The following ARB2A variants were observed in gnomAD, a reference collection of about 807,000 sequenced individuals.
ARB2A encodes ARB2 cotranscriptional regulator A.
the ARB2A span, among the ~76,000 whole-genome samples, chr5:93,621,699 C>G: frequency 6.6e-6 from 1 of 152,196 alleles, no homozygotes; most frequent in African/African-American, 2.4e-5. Context: ...TCTTGCGTCT[C>G]CCGGAAGCTG....
chr5:93,767,608 C>T, the ARB2A span, among the ~76,000 whole-genome samples: 112 of 152,164 alleles, frequency 7.4e-4, no homozygotes, highest in Non-Finnish European at 1.2e-3. Context: ...ATTGCAAAAT[C>T]GTGGAACCAA....
chr5:93,749,254 C>G, the ARB2A span, among the ~76,000 whole-genome samples: 1 of 152,090 alleles, frequency 6.6e-6, no homozygotes, highest in Non-Finnish European at 1.5e-5. Flanking sequence ...TATGAAGTGA[C>G]CAATCAGTGA....
the ARB2A span, among the ~76,000 whole-genome samples, chr5:93,913,771 T>C: frequency 1.3e-5 from 2 of 151,996 alleles, no homozygotes; most frequent in Non-Finnish European, 2.9e-5. Flanking sequence ...CTAAAATTTA[T>C]GGTTGCTGGT....
the ARB2A span, among the ~76,000 whole-genome samples, chr5:93,709,536 G>A: frequency 6.7e-6 from 1 of 149,810 alleles, no homozygotes; most frequent in African/African-American, 2.5e-5. Context: ...GGGAGGCTGA[G>A]GCAGGAGAAT....
chr5:93,771,446 T>C, the ARB2A span, among the ~76,000 whole-genome samples: 4 of 150,816 alleles, frequency 2.7e-5, no homozygotes, highest in East Asian at 2.0e-4. Context: ...AAAGCCAAAA[T>C]TGACAAATGG....
the ARB2A span, among the ~76,000 whole-genome samples, chr5:93,653,893 G>GT: frequency 1.3e-4 from 20 of 152,250 alleles, no homozygotes; most frequent in African/African-American, 4.8e-4. Context: ...GCAAGTGCCA[G>GT]TGACTGGACT....
the ARB2A span, among the ~76,000 whole-genome samples, chr5:93,823,594 TATC>T: frequency 6.6e-6 from 1 of 152,110 alleles, no homozygotes; most frequent in African/African-American, 2.4e-5. Context: ...AAACAATAAA[TATC>T]ATGAAATGTA....
At chr5:93,900,613 CAAAAA>C in the ARB2A span, among the ~76,000 whole-genome samples, 1 of 65,440 alleles carries the variant, frequency 1.5e-5, no homozygotes. Flanking sequence ...GACGCTGTCT[CAAAAA>C]AAAAAAAAAA....
chr5:93,723,716 C>A, the ARB2A span, among the ~76,000 whole-genome samples: 1 of 151,940 alleles, frequency 6.6e-6, no homozygotes, highest in Non-Finnish European at 1.5e-5. Flanking sequence ...ATACTTGGCC[C>A]ATGAAATCCC....
chr5:93,697,607 A>T, the ARB2A span, among the ~76,000 whole-genome samples: 6 of 152,176 alleles, frequency 3.9e-5, no homozygotes, highest in African/African-American at 1.2e-4. Context: ...CACCAAAGTG[A>T]AAGTTTAATC....
At chr5:94,004,560 C>T in the ARB2A span, among the ~76,000 whole-genome samples, 18 of 147,956 alleles carry the variant, frequency 1.2e-4, no homozygotes, top group East Asian at 9.9e-4. Flanking sequence ...CCAGCCTGGG[C>T]GACAAAGTGA....
chr5:93,823,965 T>C, the ARB2A span, among the ~76,000 whole-genome samples: 7 of 151,870 alleles, frequency 4.6e-5, no homozygotes, highest in South Asian at 1.5e-3. Context: ...ATAATAATAA[T>C]ATTAATAAAA....
At chr5:93,875,282 A>G in the ARB2A span, among the ~76,000 whole-genome samples, 5 of 151,856 alleles carry the variant, frequency 3.3e-5, no homozygotes, top group African/African-American at 4.8e-5. Context: ...CCCAGGGTGG[A>G]GCACAGTGGC....
chr5:94,051,803 T>G, the ARB2A span, among the ~76,000 whole-genome samples: 2 of 152,174 alleles, frequency 1.3e-5, no homozygotes, highest in African/African-American at 4.8e-5. Flanking sequence ...GAGCAAATAT[T>G]AATCTACATT....
the ARB2A span, among the ~76,000 whole-genome samples, chr5:93,937,796 C>A: frequency 6.6e-6 from 1 of 152,102 alleles, no homozygotes; most frequent in Non-Finnish European, 1.5e-5. Flanking sequence ...TTGCTCATAG[C>A]CTACATACAT....
chr5:94,055,999 G>A, the ARB2A span: 1 of 765,294 alleles, frequency 1.3e-6, no homozygotes, highest in South Asian at 5.9e-5. Context: ...CTATGAAATA[G>A]TAACAAGTAT....
At chr5:93,713,937 G>C in the ARB2A span, among the ~76,000 whole-genome samples, 1 of 152,148 alleles carries the variant, frequency 6.6e-6, no homozygotes, top group African/African-American at 2.4e-5. Context: ...GGTTTACAGG[G>C]GTGAGGAGAT....
At chr5:93,664,622 C>A in the ARB2A span, among the ~76,000 whole-genome samples, 1 of 148,572 alleles carries the variant, frequency 6.7e-6, no homozygotes, top group African/African-American at 2.5e-5. Flanking sequence ...CAGAGCGAGA[C>A]TTCGTCTCAA....
the ARB2A span, among the ~76,000 whole-genome samples, chr5:93,640,336 C>T: frequency 6.6e-6 from 1 of 151,600 alleles, no homozygotes; most frequent in African/African-American, 2.4e-5. Flanking sequence ...GTAATCCCAG[C>T]TACTCGGGAG....
Sources: allele counts gnomAD v4.1 joint callset (sites outside exome capture counted in the v4.1 genomes callset), GRCh38; gene constraint gnomAD v4.1.1; transcripts MANE v1.5; gene names NCBI Gene and HGNC (gene_info 2026-07-23, HGNC 2026-07-21).